The following CLNK variants were observed in gnomAD, a reference collection of about 807,000 sequenced individuals.
CLNK encodes the protein cytokine-dependent hematopoietic cell linker.
A neutral mutation model predicts 68.6 loss-of-function variants in CLNK; 74 were observed. That is an observed-to-expected ratio of 1.08 (90% CI 0.89 to 1.31). The LOEUF (loss-of-function observed/expected upper bound fraction) is 1.31, where lower values mean the gene tolerates loss of function less well. Among genes scored for constraint, CLNK ranks in the 50% most tolerant of loss-of-function variants. The pLI is 0.00. For missense variants in CLNK, 553 were observed against 515.3 expected (o/e 1.07, Z -0.71); for synonymous variants, 198 against 172.2 (o/e 1.15, Z -1.17).
the CLNK span, among the ~76,000 whole-genome samples, chr4:10,734,227 A>G: frequency 6.6e-6 from 1 of 152,250 alleles, no homozygotes; most frequent in Admixed American, 6.5e-5. Context: ...GCAAAGCCTG[A>G]ACCTGGGCTT....
intron 2 of CLNK, among the ~76,000 whole-genome samples, chr4:10,624,674 G>A (rs1445618466): frequency 7.0e-6 from 1 of 143,064 alleles, no homozygotes; most frequent in Non-Finnish European, 1.5e-5. Context: ...TTCTCAGGAT[G>A]TCTCAGGATC....
the CLNK span, among the ~76,000 whole-genome samples, chr4:10,710,274 T>C: frequency 6.6e-6 from 1 of 152,108 alleles, no homozygotes; most frequent in Non-Finnish European, 1.5e-5. Flanking sequence ...TAAGAGTGGT[T>C]GGTTTTCCGT....
chr4:10,526,308 G>A (rs972239891), intron 13 of CLNK, among the ~76,000 whole-genome samples: 3 of 152,040 alleles, frequency 2.0e-5, no homozygotes, highest in Non-Finnish European at 2.9e-5. Context: ...GCTACTATGG[G>A]ACAAGTACTC....
At chr4:10,728,805 T>C in the CLNK span, among the ~76,000 whole-genome samples, 11 of 152,038 alleles carry the variant, frequency 7.2e-5, no homozygotes, top group South Asian at 1.9e-3. Flanking sequence ...CCATGTTAGT[T>C]AGCCAGGATG....
chr4:10,546,147 T>G (rs1719223293), intron 8 of CLNK, among the ~76,000 whole-genome samples: 1 of 152,196 alleles, frequency 6.6e-6, no homozygotes, highest in South Asian at 2.1e-4. Flanking sequence ...CTTTAGCAAA[T>G]GGTCACTGGG....
At chr4:10,520,644 G>T (rs1718019708) in intron 15 of CLNK, 147 bp downstream of exon 15, 1 of 585,464 alleles carries the variant, frequency 1.7e-6, no homozygotes, top group Non-Finnish European at 3.1e-6. Flanking sequence ...TAAAATTATT[G>T]TCATAGTAAC....
intron 4 of CLNK, among the ~76,000 whole-genome samples, chr4:10,578,240 G>T (rs1471574473): frequency 6.6e-6 from 1 of 152,208 alleles, no homozygotes; most frequent in Non-Finnish European, 1.5e-5. Context: ...CTCAACCCAG[G>T]TCGTTAGCAC....
intron 2 of CLNK, among the ~76,000 whole-genome samples, chr4:10,610,597 G>C (rs542616784): frequency 4.0e-5 from 6 of 151,770 alleles, no homozygotes; most frequent in African/African-American, 1.5e-4. Context: ...TCTCTGTCTC[G>C]ACTGTCAAGA....
chr4:10,575,788 T>A (rs1013595636), intron 4 of CLNK, among the ~76,000 whole-genome samples: 1 of 152,224 alleles, frequency 6.6e-6, no homozygotes, highest in African/African-American at 2.4e-5. Context: ...ACAATGACTG[T>A]TTGGAAAAAG....
At chr4:10,693,577 A>G in the CLNK span, among the ~76,000 whole-genome samples, 11 of 152,166 alleles carry the variant, frequency 7.2e-5, no homozygotes, top group Non-Finnish European at 1.2e-4. Flanking sequence ...CCCTGCCCAC[A>G]CCTTGATTTA....
At chr4:10,553,295 T>C (rs1215902019) in intron 8 of CLNK, among the ~76,000 whole-genome samples, 3 of 152,174 alleles carry the variant, frequency 2.0e-5, no homozygotes, top group African/African-American at 7.2e-5. Context: ...GCAGGTTCCA[T>C]GGACACTTAA....
chr4:10,711,536 A>T, the CLNK span, among the ~76,000 whole-genome samples: 1 of 152,224 alleles, frequency 6.6e-6, no homozygotes, highest in African/African-American at 2.4e-5. Flanking sequence ...ATGGAGTCTT[A>T]TTGTTTAGAA....
intron 2 of CLNK, among the ~76,000 whole-genome samples, chr4:10,638,321 T>G (rs1346945302): frequency 6.6e-6 from 1 of 152,226 alleles, no homozygotes; most frequent in East Asian, 1.9e-4. Context: ...CAGATGCTTT[T>G]GAGAGTGAAA....
At chr4:10,716,112 T>A in the CLNK span, among the ~76,000 whole-genome samples, 2 of 152,240 alleles carry the variant, frequency 1.3e-5, no homozygotes, top group Non-Finnish European at 2.9e-5. Flanking sequence ...TTCAGCAATA[T>A]TAAATCAACA....
chr4:10,568,738 T>G (rs1720221495), intron 5 of CLNK, among the ~76,000 whole-genome samples: 2 of 152,202 alleles, frequency 1.3e-5, no homozygotes, highest in Non-Finnish European at 1.5e-5. Context: ...CAAGTTCCTC[T>G]TCAGAGCCCC....
chr4:10,589,680 G>GAAC (rs1334338540), intron 3 of CLNK, among the ~76,000 whole-genome samples: 1 of 152,154 alleles, frequency 6.6e-6, no homozygotes, highest in Non-Finnish European at 1.5e-5. Flanking sequence ...GAGGTGGTCC[G>GAAC]AACACCATAG....
intron 5 of CLNK, among the ~76,000 whole-genome samples, chr4:10,567,848 A>C (rs560627543): frequency 6.6e-6 from 1 of 152,352 alleles, no homozygotes; most frequent in Admixed American, 6.5e-5. Context: ...GCCATTAGGA[A>C]AATGCAACTC....
intron 3 of CLNK, among the ~76,000 whole-genome samples, chr4:10,592,657 TCCC>T (rs1721221654): frequency 6.6e-6 from 1 of 152,052 alleles, no homozygotes; most frequent in Non-Finnish European, 1.5e-5. Context: ...TTCTTCCTAC[TCCC>T]CCATCAGCCA....
intron 2 of CLNK, among the ~76,000 whole-genome samples, chr4:10,617,212 T>G (rs1415561298): frequency 6.6e-6 from 1 of 152,152 alleles, no homozygotes; most frequent in Non-Finnish European, 1.5e-5. Context: ...CATACATATA[T>G]AAATTAAGAA....
Sources: gnomAD v4.1 joint callset for allele counts (sites outside exome capture counted in the v4.1 genomes callset) on GRCh38, gnomAD v4.1.1 for gene constraint, MANE v1.5 for transcripts, NCBI Gene and HGNC (gene_info 2026-07-23, HGNC 2026-07-21) for gene names.